SLC24A2: variants seen among roughly 807,000 people sequenced by gnomAD.
SLC24A2 encodes solute carrier family 24 member 2.
In SLC24A2, 36 loss-of-function variants were observed where a neutral mutation model predicts 62.0. That is an observed-to-expected ratio of 0.58 (90% confidence interval 0.44 to 0.77). The LOEUF is 0.77. SLC24A2 is among the 30% of genes least tolerant of loss of function. The probability of loss-of-function intolerance (pLI) is 0.00; values close to 1 mark genes in which losing one functional copy is unlikely to be tolerated. For synonymous variants in SLC24A2, 358 were observed against 294.0 expected (o/e 1.22, Z -2.23); for missense variants, 846 against 817.9 (o/e 1.03, Z -0.42).
the SLC24A2 span, among the ~76,000 whole-genome samples, chr9:20,085,900 T>C: frequency 6.6e-6 from 1 of 152,218 alleles, no homozygotes; most frequent in Non-Finnish European, 1.5e-5. Flanking sequence ...TGGAATTTTT[T>C]TTCCCTCCAA....
the SLC24A2 span, among the ~76,000 whole-genome samples, chr9:19,908,299 T>A: frequency 6.6e-6 from 1 of 152,140 alleles, no homozygotes; most frequent in Non-Finnish European, 1.5e-5. Context: ...AAGCTGAAAC[T>A]GGATCCCTTC....
At chr9:19,850,118 T>C in the SLC24A2 span, among the ~76,000 whole-genome samples, 3 of 151,916 alleles carry the variant, frequency 2.0e-5, no homozygotes, top group Admixed American at 2.0e-4. Context: ...CCTGAAATTA[T>C]ATAAATGCCT....
At chr9:19,536,336 T>A in intron 8 of SLC24A2, among the ~76,000 whole-genome samples, 1 of 141,786 alleles carries the variant, frequency 7.1e-6, no homozygotes, top group Non-Finnish European at 1.5e-5. Flanking sequence ...TATCTCCCAA[T>A]GCTATCCCTC....
At position 19,516,090 on chromosome 9, in the gene SLC24A2, A is replaced by G. The variant is rs1832909753; in HGVS notation, c.*63T>C. 6 of 1,604,746 alleles carry G rather than the reference A, an allele frequency of 3.7e-6. No homozygotes were observed. The highest frequency in any genetic ancestry group is 5.1e-6 in the Non-Finnish European group (6 of 1,172,338). ...GCTGCCTCTTCTCAAGAGGTCAAGG[A>G]GCCCAGAGCCCAGAGTGTGGAGGGA... On this transcript the variant is annotated 3_prime_UTR_variant, in exon 11 of 11. Coordinates refer to ENST00000341998, the MANE Select transcript of SLC24A2 (RefSeq NM_020344.4).
chr9:19,750,623 A>G (rs1229140507), intron 2 of SLC24A2, among the ~76,000 whole-genome samples: 1 of 152,096 alleles, frequency 6.6e-6, no homozygotes, highest in African/African-American at 2.4e-5. Context: ...CTTTTCATCG[A>G]TATCTTTATA....
chr9:20,215,697 G>T, the SLC24A2 span, among the ~76,000 whole-genome samples: 1 of 151,560 alleles, frequency 6.6e-6, no homozygotes, highest in African/African-American at 2.4e-5. Context: ...TGTCACCCTT[G>T]TAGTACAAGG....
chr9:19,884,760 G>A, the SLC24A2 span, among the ~76,000 whole-genome samples: 19 of 152,182 alleles, frequency 1.2e-4, no homozygotes, highest in Admixed American at 2.6e-4. Flanking sequence ...TACATGAGAT[G>A]TTCAACACTT....
At chr9:19,532,984 T>C (rs1833778709) in intron 8 of SLC24A2, among the ~76,000 whole-genome samples, 1 of 152,246 alleles carries the variant, frequency 6.6e-6, no homozygotes, top group Non-Finnish European at 1.5e-5. Context: ...TTGAAGTTTA[T>C]ATTTTAGTTC....
the SLC24A2 span, among the ~76,000 whole-genome samples, chr9:20,057,312 A>T: frequency 6.6e-6 from 1 of 152,190 alleles, no homozygotes; most frequent in Non-Finnish European, 1.5e-5. Context: ...TAATCTTTTG[A>T]TGTACCTGGC....
intron 2 of SLC24A2, among the ~76,000 whole-genome samples, chr9:19,651,324 G>A (rs1181922923): frequency 6.6e-6 from 1 of 152,128 alleles, no homozygotes; most frequent in East Asian, 1.9e-4. Flanking sequence ...TAACCCAATG[G>A]TGAAGGTGAT....
chr9:19,839,017 C>T, the SLC24A2 span, among the ~76,000 whole-genome samples: 1 of 152,060 alleles, frequency 6.6e-6, no homozygotes, highest in African/African-American at 2.4e-5. Flanking sequence ...TATCCAGAAT[C>T]TAGAATGAAC....
At chr9:20,146,464 G>A in the SLC24A2 span, among the ~76,000 whole-genome samples, 1 of 152,036 alleles carries the variant, frequency 6.6e-6, no homozygotes, top group Non-Finnish European at 1.5e-5. Context: ...AACTTATTCT[G>A]ATCCTGATTC....
chr9:19,718,319 G>A (rs1309941919), intron 2 of SLC24A2, among the ~76,000 whole-genome samples: 6 of 132,010 alleles, frequency 4.5e-5, no homozygotes, highest in African/African-American at 1.9e-4. Context: ...TTTAGACAGG[G>A]TCTGGCTCTG....
chr9:19,646,060 A>C (rs2208554), intron 2 of SLC24A2, among the ~76,000 whole-genome samples: 1 of 151,882 alleles, frequency 6.6e-6, no homozygotes, highest in East Asian at 1.9e-4. Context: ...TAAATGGGAC[A>C]ATGCACATCA....
At chr9:19,890,462 C>T in the SLC24A2 span, among the ~76,000 whole-genome samples, 6 of 152,246 alleles carry the variant, frequency 3.9e-5, no homozygotes, top group South Asian at 1.2e-3. Flanking sequence ...CTTGACTTCT[C>T]AATGTCATTT....
the SLC24A2 span, among the ~76,000 whole-genome samples, chr9:20,252,399 T>C: frequency 6.6e-6 from 1 of 152,222 alleles, no homozygotes; most frequent in Non-Finnish European, 1.5e-5. Flanking sequence ...AGCTGAGCAC[T>C]GTGTCTGGTG....
chr9:19,567,544 CAAA>C (rs747824353), intron 7 of SLC24A2, among the ~76,000 whole-genome samples: 2 of 38,416 alleles, frequency 5.2e-5, no homozygotes, highest in African/African-American at 7.0e-5. Context: ...GACTCCATCT[CAAA>C]AAAAAAAAAA....
chr9:19,928,182 G>A, the SLC24A2 span: 1 of 152,416 alleles, frequency 6.6e-6, no homozygotes, highest in Non-Finnish European at 1.5e-5. Context: ...CCAAGAAGCA[G>A]GTTCTAGTTC....
chr9:19,775,655 A>G (rs375035422), intron 2 of SLC24A2, among the ~76,000 whole-genome samples: 15 of 152,354 alleles, frequency 9.8e-5, no homozygotes, highest in Admixed American at 3.9e-4. Context: ...GAAATGCTAA[A>G]TAAATTAATT....
Sources: gnomAD v4.1 joint callset for allele counts (sites outside exome capture counted in the v4.1 genomes callset) on GRCh38, gnomAD v4.1.1 for gene constraint, MANE v1.5 for transcripts, NCBI Gene and HGNC (gene_info 2026-07-23, HGNC 2026-07-21) for gene names.